Variants in PTBP1 observed in about 807,000 individuals in gnomAD.
PTBP1 encodes polypyrimidine tract binding protein 1, also known as polypyrimidine tract-binding protein 1.
PTBP1 carries 8 observed loss-of-function variants against 59.8 expected under a neutral mutation model. That is an observed-to-expected ratio of 0.13 (90% CI 0.08 to 0.24). The LOEUF is 0.24. Ranked by LOEUF, PTBP1 falls within the 10% of genes least tolerant of loss-of-function variation. The pLI, the probability that PTBP1 is intolerant of heterozygous loss-of-function variation, is 1.00. For synonymous variants in PTBP1, 490 were observed against 320.7 expected (o/e 1.53, Z -5.64); for missense variants, 686 against 767.0 (o/e 0.89, Z 1.25).
chr19:799,502 G>C (rs1472507763), intron 2 of PTBP1, 59 bp downstream of exon 2: 2 of 1,564,274 alleles, frequency 1.3e-6, no homozygotes, highest in African/African-American at 2.7e-5. Context: ...CCGACCCCGG[G>C]GGCCACCCCC....
chr19:799,206 T>C (rs602091), intron 1 of PTBP1: 1 of 656,588 alleles, frequency 1.5e-6, no homozygotes, highest in Non-Finnish European at 2.7e-6. Flanking sequence ...AGGACAATGG[T>C]GGCCCCTTTT....
At position 810,573 on chromosome 19, in the gene PTBP1, C is replaced by A. The variant is rs11549883; in HGVS notation, c.1494C>A (p.Val498=). Residue 498 remains valine, a synonymous_variant, in exon 14 of 15, where the codon GTC becomes GTA. Transcript: ENST00000356948. ...CAGTCTCCGAGGAGGATCTCAAGGTCCTGTTTTCCAGCAATGGGGGCGTCG... is the reference window on the plus strand; with the variant it reads ...CAGTCTCCGAGGAGGATCTCAAGGTACTGTTTTCCAGCAATGGGGGCGTCG... ...PPSVSEEDLK[V]LFSSNGGVVK... is the part of the protein sequence containing the mutation. 0.032 allele frequency: 51,513 copies of A among 1,613,626 alleles called. 1,033 individuals carry two copies. The highest frequency in any genetic ancestry group is 0.074 in the Admixed American group (4,457 of 59,916).
In PTBP1 at chr19:804,512, C is replaced by G. The variant is rs749596706; in HGVS notation, c.436-20C>G. On this transcript the variant is annotated intron_variant, in intron 5 of 14. Coordinates refer to ENST00000356948, the MANE Select transcript of PTBP1 (RefSeq NM_002819.5). ...GGCCCAGCCGCAGGGGCCGGGGACT[C>G]ACGGCTGTGCCTCCCACAGCGGGCC... 5 of 1,596,080 alleles carry G rather than the reference C, an allele frequency of 3.1e-6. No individual in the cohort carries two copies. Among genetic ancestry groups the G allele is most frequent in the African/African-American group, 1.3e-5 (1 of 74,688 alleles).
At position 804,436 on chromosome 19, in the gene PTBP1, G is replaced by A; in HGVS notation, c.433G>A (p.Ala145Thr). 6.2e-7 allele frequency: 1 copy of A among 1,610,436 alleles called. No individual in the cohort carries two copies. Among genetic ancestry groups the A allele is most frequent in the South Asian group, 1.1e-5 (1 of 91,040 alleles). The stretch of plus-strand genomic sequence containing the variant: ...GAAGACCGACAGCTCTCCCAACCAG[G>A]CGGTGCGTGGCCCCGCGGCGGACCC... The part of the protein sequence containing the change: ...ELKTDSSPNQ[A>T]RAQAALQAVN... The change falls in exon 5 of 15, where the codon GCG becomes ACG. Residue 145 changes from alanine to threonine, a missense_variant and splice_region_variant. Physicochemically the swap from Ala to Thr is moderately conservative, Grantham distance 58. Transcript: ENST00000356948.
chr19:808,110 A>G lies in PTBP1; in HGVS notation c.1153+208A>G. On this transcript the variant is annotated intron_variant, in intron 11 of 14. Transcript: ENST00000356948. This position sits in a 1 kb window ranked among gnomAD's most constrained non-coding sequence, Gnocchi z 4.7. The stretch of plus-strand genomic sequence containing the variant: ...CGCCCTGCATGCTTTTCAGAGTTAG[A>G]CCTGTCGGTGGCATATGCCACCGTG... 2 of 636,270 alleles carry G rather than the reference A, an allele frequency of 3.1e-6. No individual in the cohort carries two copies. The highest frequency in any genetic ancestry group is 1.8e-5 in the African/African-American group (1 of 54,656). 39.4% of individuals were successfully genotyped at this position (636,270 alleles called of 1,614,324 possible). A position where few individuals can be genotyped will look rare whatever the true frequency, so the allele number is the denominator to read the frequency against.
At chr19:806,208 G>GGC in intron 9 of PTBP1, 200 bp from the exon 10 acceptor site, 1 of 518,024 alleles carries the variant, frequency 1.9e-6, no homozygotes, top group Non-Finnish European at 3.3e-6. Flanking sequence ...GCTGTGAGGA[G>GGC]AGGCGGGCGC....
intron 2 of PTBP1, among the ~76,000 whole-genome samples, chr19:801,793 C>T (rs528159772): frequency 4.6e-5 from 7 of 152,288 alleles, no homozygotes; most frequent in East Asian, 3.9e-4. Context: ...GTTTTCTGAT[C>T]GCGTGGTTTC....
At chr19:800,404 GAGA>G (rs1228102417) in intron 2 of PTBP1, among the ~76,000 whole-genome samples, 9 of 152,288 alleles carry the variant, frequency 5.9e-5, no homozygotes, top group East Asian at 5.8e-4. Context: ...TCAGAACCTG[GAGA>G]AGAAGAAGGT....
chr19:797,908 C>G (rs865828244), intron 1 of PTBP1, among the ~76,000 whole-genome samples: 1 of 148,802 alleles, frequency 6.7e-6, no homozygotes, highest in East Asian at 1.9e-4. Context: ...GCCTGCGTAG[C>G]CCGTCGCGCG....
At position 810,886 on chromosome 19, in the gene PTBP1, C is replaced by G; in HGVS notation, c.*60C>G. 1 of 1,464,956 alleles carries G rather than the reference C, an allele frequency of 6.8e-7. No homozygotes were observed. 90.7% of individuals were successfully genotyped at this position (1,464,956 alleles called of 1,614,324 possible). A position where few individuals can be genotyped will look rare whatever the true frequency, so the allele number is the denominator to read the frequency against. ...CAACTTCCATCATTCCAGAGAAAAG[C>G]CACTTTAAAAACAGCTGAAGTGACC... On this transcript the variant is annotated 3_prime_UTR_variant, in exon 15 of 15. Coordinates refer to ENST00000356948, the MANE Select transcript of PTBP1 (RefSeq NM_002819.5).
In PTBP1 at chr19:806,587, C is replaced by G. The variant is rs369750687; in HGVS notation, c.1119+31C>G. 21 of 1,470,628 alleles carry G rather than the reference C, an allele frequency of 1.4e-5. No individual in the cohort carries two copies. The African/African-American group carries it at 2.8e-4, about 20-fold the overall frequency. 91.1% of individuals were successfully genotyped at this position (1,470,628 alleles called of 1,614,324 possible). Reference sequence around the variant, plus strand: ...TGGGCTTTTCCTCCGCGCCGCCGTTCCTCCCGGAAGAGCGAGCAGGGGATG... The same window carrying G: ...TGGGCTTTTCCTCCGCGCCGCCGTTGCTCCCGGAAGAGCGAGCAGGGGATG... On this transcript the variant is annotated intron_variant, in intron 10 of 14. Coordinates refer to ENST00000356948, the MANE Select transcript of PTBP1 (RefSeq NM_002819.5).
rs2145024926 is a variant in PTBP1 at position 808,320 on chromosome 19, G to C, written c.1154-40G>C. The C allele has an allele frequency of 6.7e-7, 1 of 1,493,402 alleles. No homozygotes were observed. Among genetic ancestry groups the C allele is most frequent in the East Asian group, 2.4e-5 (1 of 41,770 alleles). The allele number at this position is 1,493,402 out of a possible 1,614,324, so 92.5% of individuals were successfully genotyped here. A position where few individuals can be genotyped will look rare whatever the true frequency, so the allele number is the denominator to read the frequency against. Reference sequence around the variant, plus strand: ...GGCTGACGGGGAGATGGGCGGGGCAGGCAGCAGGAGACTCAGGCCCCATCC... The same window carrying C: ...GGCTGACGGGGAGATGGGCGGGGCACGCAGCAGGAGACTCAGGCCCCATCC... On this transcript the variant is annotated intron_variant, in intron 11 of 14. Coordinates refer to ENST00000356948, the MANE Select transcript of PTBP1 (RefSeq NM_002819.5). The surrounding 1 kb of genome is among the most constrained non-coding windows in gnomAD (Gnocchi z 4.7).
At chr19:809,545 C>T (rs1182323606) in intron 13 of PTBP1, among the ~76,000 whole-genome samples, 2 of 152,052 alleles carry the variant, frequency 1.3e-5, no homozygotes, top group African/African-American at 4.8e-5. Flanking sequence ...TGGTGTCGAT[C>T]TCCTGACTTT....
Position 808,214 on chromosome 19 carries a change from C to A in PTBP1, c.1154-146C>A. The A allele has an allele frequency of 1.4e-6, 1 of 702,316 alleles. No homozygotes were observed. The highest frequency in any genetic ancestry group is 2.5e-6 in the Non-Finnish European group (1 of 403,902). The allele number at this position is 702,316 out of a possible 1,614,324, so 43.5% of individuals were successfully genotyped here. ...CTGCTCCTGTTAGCGCGCCCTGTGG[C>A]TGCGAGACGCAGCTCCGCAGTGGCC... On this transcript the variant is annotated intron_variant, in intron 11 of 14. Coordinates refer to ENST00000356948, the MANE Select transcript of PTBP1 (RefSeq NM_002819.5). This position sits in a 1 kb window ranked among gnomAD's most constrained non-coding sequence, Gnocchi z 4.7.
At chr19:799,146 C>T (rs996095920) in intron 1 of PTBP1, among the ~76,000 whole-genome samples, 6 of 152,222 alleles carry the variant, frequency 3.9e-5, no homozygotes, top group African/African-American at 1.4e-4. Context: ...ACGTGTGGGG[C>T]CTGGTCCAGA....
chr19:807,959 T>C, intron 11 of PTBP1, 57 bp downstream of exon 11: 1 of 1,477,420 alleles, frequency 6.8e-7, no homozygotes, highest in Non-Finnish European at 9.5e-7. Flanking sequence ...ATGATTTTGA[T>C]GCCCTGAGAC....
rs550976488 is a variant in PTBP1, at chr19:799,474, C to T, written c.39+31C>T. ...CACTTCTCACTTTGCTTCTCCGTGA[C>T]GCTCCTCTGACCTTGTGCCGACCCC... is the stretch of plus-strand genomic sequence containing the variant. On this transcript the variant is annotated intron_variant, in intron 2 of 14. Coordinates refer to ENST00000356948, the MANE Select transcript of PTBP1 (RefSeq NM_002819.5). 2.5e-5 allele frequency: 40 copies of T among 1,612,008 alleles called. No homozygotes were observed. In the Admixed American group the frequency reaches 3.5e-4, roughly 14 times the overall value.
At chr19:804,965 C>T in intron 7 of PTBP1, 26 bp downstream of exon 7, 2 of 1,612,182 alleles carry the variant, frequency 1.2e-6, no homozygotes, top group Non-Finnish European at 1.7e-6. Context: ...GGGACGGCGC[C>T]CGCCCTGGCC....
At chr19:805,637 C>T in intron 9 of PTBP1, 68 bp downstream of exon 9, 5 of 1,373,170 alleles carry the variant, frequency 3.6e-6, no homozygotes, top group Non-Finnish European at 5.2e-6. Flanking sequence ...GGCAGCTCCG[C>T]ATCCACGGCG....
Sources: gnomAD v4.1 joint callset for allele counts (sites outside exome capture counted in the v4.1 genomes callset) on GRCh38, gnomAD v4.1.1 for gene constraint, Gnocchi (gnomAD v3.1) non-coding constraint, MANE v1.5 for transcripts, NCBI Gene and HGNC (gene_info 2026-07-23, HGNC 2026-07-21) for gene names.